VPS36: variants seen among roughly 807,000 people sequenced by gnomAD.
VPS36 encodes vacuolar protein sorting 36 homolog.
Under a neutral mutation model 63.5 loss-of-function variants are expected in VPS36, and 31 were observed. That is an observed-to-expected ratio of 0.49 (90% CI 0.37 to 0.66). The LOEUF is 0.66. Ranked by LOEUF, VPS36 falls within the 30% of genes least tolerant of loss-of-function variation. The pLI, the probability that VPS36 is intolerant of heterozygous loss-of-function variation, is 0.00. For synonymous variants in VPS36, 138 were observed against 157.2 expected, an observed-to-expected ratio of 0.88 and a Z score of 0.91; for missense variants, 338 against 463.7, an observed-to-expected ratio of 0.73 and a Z score of 2.49.
intron 9 of VPS36, 30 bp downstream of exon 9, chr13:52,425,902 T>TAA: frequency 1.3e-6 from 2 of 1,577,886 alleles, no homozygotes; most frequent in East Asian, 2.3e-5. Context: ...TAACACAGTT[T>TAA]AAAAAAAAAC....
At chr13:52,422,529 T>A (rs1200345850) in intron 10 of VPS36, among the ~76,000 whole-genome samples, 1 of 152,194 alleles carries the variant, frequency 6.6e-6, no homozygotes, top group African/African-American at 2.4e-5. Flanking sequence ...CCAATAGTTA[T>A]CTGTTTTGCT....
At chr13:52,422,427 A>G (rs1566083437) in intron 10 of VPS36, among the ~76,000 whole-genome samples, 1 of 152,184 alleles carries the variant, frequency 6.6e-6, no homozygotes, top group Non-Finnish European at 1.5e-5. Context: ...TAGGGGGTAT[A>G]TGTGAAAGTT....
chr13:52,442,592 C>A, intron 1 of VPS36, 147 bp from the exon 2 acceptor site: 2 of 679,092 alleles, frequency 2.9e-6, no homozygotes, highest in South Asian at 2.2e-5. Context: ...TAAAGAGAAC[C>A]AATGCTACAT....
intron 1 of VPS36, among the ~76,000 whole-genome samples, chr13:52,447,996 A>G (rs957629908): frequency 3.3e-5 from 5 of 152,158 alleles, no homozygotes; most frequent in African/African-American, 1.2e-4. Flanking sequence ...TTCTGATGAG[A>G]GGATTAAATG....
In VPS36 at chr13:52,442,444, A is replaced by G. The variant is rs764392240; in HGVS notation, c.98T>C (p.Ile33Thr). ...AAGGAGAGTCCCAGCATCAAATTTTATCTAGAAAGAAAGAGCATCACAAAA... is the reference window on the plus strand; with the variant it reads ...AAGGAGAGTCCCAGCATCAAATTTTGTCTAGAAAGAAAGAGCATCACAAAA... ...GVRIYDGEEK[I>T]KFDAGTLLLS... Residue 33 changes from isoleucine (I) to threonine (T), a missense_variant and splice_region_variant, in exon 2 of 14, where the codon ATA becomes ACA. Physicochemically the swap from Ile to Thr is moderately conservative, Grantham distance 89. Transcript: ENST00000378060. The G allele has an allele frequency of 3.7e-6, 6 of 1,610,006 alleles. No individual in the cohort carries two copies. In the South Asian group the frequency reaches 5.6e-5, roughly 15 times the overall value.
chr13:52,420,066 C>T (rs1218387521), intron 10 of VPS36, among the ~76,000 whole-genome samples: 1 of 151,930 alleles, frequency 6.6e-6, no homozygotes, highest in Admixed American at 6.6e-5. Context: ...CATGGAGAAA[C>T]CCCGTCTCTA....
At chr13:52,416,358 C>A (rs1957992205) in intron 12 of VPS36, 1 of 368,574 alleles carries the variant, frequency 2.7e-6, no homozygotes, top group African/African-American at 2.1e-5. Context: ...AGTCACTGTA[C>A]TAAAGCCTAA....
intron 10 of VPS36, among the ~76,000 whole-genome samples, chr13:52,422,132 C>T (rs756147933): frequency 2.0e-5 from 3 of 152,204 alleles, no homozygotes; most frequent in Non-Finnish European, 4.4e-5. Flanking sequence ...ATACACCTTT[C>T]CCAGTCTCTG....
chr13:52,420,570 C>G, intron 10 of VPS36, among the ~76,000 whole-genome samples: 1 of 151,820 alleles, frequency 6.6e-6, no homozygotes, highest in South Asian at 2.1e-4. Flanking sequence ...TGACTTCAGG[C>G]GATCTGCCTG....
Position 52,423,565 on chromosome 13 carries a change from T to G in VPS36, c.840+9A>C. The stretch of plus-strand genomic sequence containing the variant: ...TGGTTAAAAGAGTATTTAAATTTTC[T>G]ATCCTTACTTCCATTCCTCGAGCTC... On this transcript the variant is annotated intron_variant, in intron 10 of 13. Coordinates refer to ENST00000378060, the MANE Select transcript of VPS36 (RefSeq NM_016075.4). 1 of 1,609,198 alleles carries G rather than the reference T, an allele frequency of 6.2e-7. No individual in the cohort carries two copies.
At chr13:52,434,669 C>T in intron 5 of VPS36, 124 bp downstream of exon 5, 1 of 980,720 alleles carries the variant, frequency 1.0e-6, no homozygotes, top group Non-Finnish European at 1.5e-6. Context: ...AAAATAAATT[C>T]TTTATAAGAA....
At chr13:52,422,760 CAA>C (rs1248646567) in intron 10 of VPS36, among the ~76,000 whole-genome samples, 1 of 152,088 alleles carries the variant, frequency 6.6e-6, no homozygotes, top group Non-Finnish European at 1.5e-5. Flanking sequence ...ATATAACAGA[CAA>C]GAGAGGATTT....
chr13:52,444,518 ATATATATT>A (rs1353188571), intron 1 of VPS36, among the ~76,000 whole-genome samples: 1 of 145,574 alleles, frequency 6.9e-6, no homozygotes, highest in Non-Finnish European at 1.5e-5. Flanking sequence ...GTATAAAAAT[ATATATATT>A]TATATATAAA....
rs1957984160 is a variant in VPS36 at position 52,415,404 on chromosome 13, G to A, written c.*426C>T. 6.2e-6 allele frequency: 1 copy of A among 161,310 alleles called. No individual in the cohort carries two copies. Among genetic ancestry groups the A allele is most frequent in the African/African-American group, 2.4e-5 (1 of 41,526 alleles). The allele number at this position is 161,310 out of a possible 1,614,324, so 10.0% of individuals were successfully genotyped here. A position where few individuals can be genotyped will look rare whatever the true frequency, so the allele number is the denominator to read the frequency against. On this transcript the variant is annotated 3_prime_UTR_variant, in exon 14 of 14. Transcript: ENST00000378060. ...GGGGAGGAGCCTCATATAGCATGCT[G>A]CAGTATATTTTGTCCCAACATTGTC...
At chr13:52,422,531 T>C (rs1342762766) in intron 10 of VPS36, among the ~76,000 whole-genome samples, 1 of 152,214 alleles carries the variant, frequency 6.6e-6, no homozygotes, top group African/African-American at 2.4e-5. Flanking sequence ...AATAGTTATC[T>C]GTTTTGCTCC....
At chr13:52,416,132 T>A in intron 12 of VPS36, 39 bp from the exon 13 acceptor site, 1 of 1,596,130 alleles carries the variant, frequency 6.3e-7, no homozygotes, top group Non-Finnish European at 8.6e-7. Context: ...TGTAATTAAT[T>A]TAGGACACTA....
At chr13:52,436,434 AT>A (rs1958218884) in intron 3 of VPS36, 30 bp from the exon 4 acceptor site, 8 of 1,428,088 alleles carry the variant, frequency 5.6e-6, no homozygotes, top group Non-Finnish European at 7.8e-6. Context: ...AATATATTGA[AT>A]TGTCTTTCAA....
chr13:52,419,932 A>G (rs953537617), intron 10 of VPS36, among the ~76,000 whole-genome samples: 1 of 152,098 alleles, frequency 6.6e-6, no homozygotes, highest in Admixed American at 6.5e-5. Context: ...TTTAATGGGT[A>G]CAAAAACACA....
At chr13:52,427,287 A>T in intron 6 of VPS36, 68 bp from the exon 7 acceptor site, 1 of 1,540,908 alleles carries the variant, frequency 6.5e-7, no homozygotes, top group Non-Finnish European at 8.9e-7. Flanking sequence ...AAAATGAAGC[A>T]CCCTCTATTT....
Sources: gnomAD v4.1 joint callset for allele counts (sites outside exome capture counted in the v4.1 genomes callset) on GRCh38, gnomAD v4.1.1 for gene constraint, MANE v1.5 for transcripts, NCBI Gene and HGNC (gene_info 2026-07-23, HGNC 2026-07-21) for gene names.